The following PLEKHA7 variants were observed in gnomAD, a reference collection of about 807,000 sequenced individuals.
The protein encoded by PLEKHA7 is pleckstrin homology domain containing A7, also known as pleckstrin homology domain-containing family A member 7.
A neutral mutation model predicts 170.0 loss-of-function variants in PLEKHA7; 104 were observed. That is an observed-to-expected ratio of 0.61 (90% CI 0.52 to 0.72). The LOEUF (loss-of-function observed/expected upper bound fraction) is 0.72, where lower values mean the gene tolerates loss of function less well. Among genes scored for constraint, PLEKHA7 ranks in the 30% least tolerant of loss-of-function variants. PLEKHA7 has a pLI of 0.00. For synonymous variants in PLEKHA7, 648 were observed against 660.8 expected (o/e 0.98, Z 0.30); for missense variants, 1,615 against 1,671.7 (o/e 0.97, Z 0.59).
intron 9 of PLEKHA7, among the ~76,000 whole-genome samples, chr11:16,828,681 A>G (rs1461249363): frequency 6.6e-6 from 1 of 152,184 alleles, no homozygotes; most frequent in Non-Finnish European, 1.5e-5. Context: ...CCCTTCTGAT[A>G]ACAGCATTTC....
chr11:16,842,005 T>C (rs181340197), intron 8 of PLEKHA7, among the ~76,000 whole-genome samples: 2 of 152,248 alleles, frequency 1.3e-5, no homozygotes, highest in East Asian at 3.9e-4. Context: ...AGTCAAGGCT[T>C]ATGTGAGAAA....
chr11:16,826,198 G>C lies in PLEKHA7; in HGVS notation c.1265C>G (p.Pro422Arg). 6.2e-7 allele frequency: 1 copy of C among 1,614,194 alleles called. No homozygotes were observed. Among genetic ancestry groups the C allele is most frequent in the Non-Finnish European group, 8.5e-7 (1 of 1,180,050 alleles). Residue 422 changes from proline (P) to arginine (R), a missense_variant, in exon 10 of 27, where the codon CCT (proline) becomes CGT (arginine). Physicochemically the swap from Pro to Arg is moderately radical, Grantham distance 103. Coordinates refer to ENST00000531066, the MANE Select transcript of PLEKHA7 (RefSeq NM_001329630.2). ...GCTCTTCCTTTGGCTGTGTTTTTCAGGGTTGGTCCTGGGAGGAAAGGCCCG... is the reference window on the plus strand; with the variant it reads ...GCTCTTCCTTTGGCTGTGTTTTTCACGGTTGGTCCTGGGAGGAAAGGCCCG... ...YQRAFPPRTN[P>R]EKHSQRKSNL...
At position 16,789,002 on chromosome 11, in the gene PLEKHA7, C is replaced by G; in HGVS notation, c.3357+94G>C. 7.0e-7 allele frequency: 1 copy of G among 1,436,582 alleles called. No homozygotes were observed. Among genetic ancestry groups the G allele is most frequent in the Non-Finnish European group, 9.4e-7 (1 of 1,065,024 alleles). The allele number at this position is 1,436,582 out of a possible 1,614,324, so 89.0% of individuals were successfully genotyped here. A position where few individuals can be genotyped will look rare whatever the true frequency, so the allele number is the denominator to read the frequency against. On this transcript the variant is annotated intron_variant, in intron 23 of 26. Transcript: ENST00000531066. The surrounding 1 kb of genome is among the most constrained non-coding windows in gnomAD (Gnocchi z 4.6). The stretch of plus-strand genomic sequence containing the variant: ...ACCATGTAGGTCAATGGACAGCTCT[C>G]TCACTGGGAGGTGTGATGTGCTTGT...
intron 3 of PLEKHA7, among the ~76,000 whole-genome samples, chr11:16,972,484 T>G (rs568188169): frequency 3.2e-3 from 494 of 152,112 alleles, no homozygotes; most frequent in Non-Finnish European, 5.4e-3. Context: ...TAATCACAGC[T>G]CACTGCAGCC....
chr11:16,890,818 T>C (rs780754571), intron 3 of PLEKHA7, among the ~76,000 whole-genome samples: 1 of 152,186 alleles, frequency 6.6e-6, no homozygotes, highest in African/African-American at 2.4e-5. Context: ...AAATCCATCT[T>C]CCAGTGATTA....
intron 3 of PLEKHA7, among the ~76,000 whole-genome samples, chr11:16,889,400 CAAAAAA>C (rs869268116): frequency 2.3e-4 from 12 of 52,740 alleles, no homozygotes; most frequent in African/African-American, 5.8e-4. Context: ...CTTTATTGCT[CAAAAAA>C]AAAAAAAAAA....
chr11:16,828,402 T>G (rs1248981107), intron 9 of PLEKHA7, among the ~76,000 whole-genome samples: 6 of 152,182 alleles, frequency 3.9e-5, no homozygotes, highest in Admixed American at 3.9e-4. Context: ...GTAAGTTTCT[T>G]GAGGCCTCCC....
intron 3 of PLEKHA7, among the ~76,000 whole-genome samples, chr11:16,954,961 A>G (rs1861617264): frequency 2.0e-5 from 3 of 152,180 alleles, no homozygotes. Flanking sequence ...AAGTGCTGGG[A>G]TTACAGGCAT....
chr11:16,946,165 C>T (rs10832704), intron 3 of PLEKHA7, among the ~76,000 whole-genome samples: 38,247 of 152,164 alleles, frequency 0.25, 5,807 homozygotes, highest in Non-Finnish European at 0.36. Flanking sequence ...CTGCTTCTAG[C>T]TCCTGGGCTC....
chr11:16,889,418 AAAAT>A (rs1452438278), intron 3 of PLEKHA7, among the ~76,000 whole-genome samples: 96 of 103,520 alleles, frequency 9.3e-4, no homozygotes, highest in East Asian at 1.7e-3. Flanking sequence ...AAAAAAAAAA[AAAAT>A]ATATATATAT....
In PLEKHA7 at chr11:16,947,911, G is replaced by A. The variant is rs543238163; in HGVS notation, c.221+66078C>T. Among the ~76,000 whole-genome samples, 41 of 129,594 alleles carry A rather than the reference G, an allele frequency of 3.2e-4. 1 individual carries two copies. The South Asian group carries it at 6.4e-3, about 20-fold the overall frequency. 85.0% of individuals were successfully genotyped at this position (129,594 alleles called of 152,430 possible). The stretch of plus-strand genomic sequence containing the variant: ...AGCTTGGGCTATAGAGTAAGACTCC[G>A]TCTCAAAAAAAAAAAAAAAAAGAAA... On this transcript the variant is annotated intron_variant, in intron 3 of 26. Transcript: ENST00000531066.
At chr11:16,907,963 C>T (rs1472736927) in intron 3 of PLEKHA7, among the ~76,000 whole-genome samples, 1 of 149,322 alleles carries the variant, frequency 6.7e-6, no homozygotes, top group Non-Finnish European at 1.5e-5. Flanking sequence ...TGTGACCTTA[C>T]CCCCAACCCT....
At chr11:16,849,993 A>C (rs1473777715) in intron 8 of PLEKHA7, among the ~76,000 whole-genome samples, 2 of 152,154 alleles carry the variant, frequency 1.3e-5, no homozygotes, top group Non-Finnish European at 2.9e-5. Flanking sequence ...CTGACTTTCC[A>C]ACCACCAGCA....
intron 3 of PLEKHA7, among the ~76,000 whole-genome samples, chr11:16,939,838 G>A (rs1039134753): frequency 4.6e-5 from 7 of 152,186 alleles, no homozygotes; most frequent in Non-Finnish European, 2.9e-5. Flanking sequence ...GAGTGAAAGG[G>A]TGCCTTGGGA....
chr11:16,957,689 ATTTTTTTCTTTT>A (rs1189117974), intron 3 of PLEKHA7, among the ~76,000 whole-genome samples: 4 of 118,226 alleles, frequency 3.4e-5, no homozygotes, highest in Non-Finnish European at 7.1e-5. Flanking sequence ...TACCTCAATA[ATTTTTTTCTTTT>A]TTTTTTTTTT....
intron 3 of PLEKHA7, among the ~76,000 whole-genome samples, chr11:16,892,058 C>G (rs1313202963): frequency 6.6e-6 from 1 of 152,168 alleles, no homozygotes; most frequent in African/African-American, 2.4e-5. Context: ...CAACTGCCTT[C>G]CATTGGTGGA....
At chr11:16,850,822 T>A (rs1483193234) in intron 8 of PLEKHA7, among the ~76,000 whole-genome samples, 1 of 152,192 alleles carries the variant, frequency 6.6e-6, no homozygotes, top group African/African-American at 2.4e-5. Flanking sequence ...GTTTTCATAA[T>A]ACAATGGATA....
At chr11:16,922,342 T>TGG (rs1327754056) in intron 3 of PLEKHA7, among the ~76,000 whole-genome samples, 1 of 152,156 alleles carries the variant, frequency 6.6e-6, no homozygotes, top group African/African-American at 2.4e-5. Flanking sequence ...GTCCTGAGGA[T>TGG]GGGGGAGTGG....
intron 3 of PLEKHA7, among the ~76,000 whole-genome samples, chr11:17,001,683 A>G (rs1342392378): frequency 1.3e-5 from 2 of 151,884 alleles, no homozygotes; most frequent in East Asian, 3.9e-4. Context: ...CCCCAGGAAG[A>G]GACTGCACAC....
Sources: gnomAD v4.1 joint callset for allele counts (sites outside exome capture counted in the v4.1 genomes callset) on GRCh38, gnomAD v4.1.1 for gene constraint, Gnocchi (gnomAD v3.1) non-coding constraint, MANE v1.5 for transcripts, NCBI Gene and HGNC (gene_info 2026-07-23, HGNC 2026-07-21) for gene names.